Variants in TAOK3 observed in about 807,000 individuals in gnomAD.
TAOK3 encodes TAO kinase 3, also known as serine/threonine-protein kinase TAO3.
A neutral mutation model predicts 120.4 loss-of-function variants in TAOK3; 40 were observed. The observed-to-expected ratio is 0.33, with a 90% CI of 0.26 to 0.43. The LOEUF (loss-of-function observed/expected upper bound fraction) is 0.43, where lower values mean the gene tolerates loss of function less well. Among genes scored for constraint, TAOK3 ranks in the 20% least tolerant of loss-of-function variants. The probability of loss-of-function intolerance (pLI) is 1.00; values close to 1 mark genes in which losing one functional copy is unlikely to be tolerated. For missense variants in TAOK3, 821 were observed against 1,112.1 expected (o/e 0.74, Z 3.72); for synonymous variants, 355 against 387.5 (o/e 0.92, Z 0.99).
intron 1 of TAOK3, among the ~76,000 whole-genome samples, chr12:118,315,451 C>CA (rs1335001689): frequency 4.6e-5 from 7 of 151,850 alleles, no homozygotes. Context: ...TTAAAACCCA[C>CA]AAAAATGTAT....
At chr12:118,236,319 G>C (rs1426637705) in intron 7 of TAOK3, 4 of 152,104 alleles carry the variant, frequency 2.6e-5, no homozygotes, top group Non-Finnish European at 5.9e-5. Flanking sequence ...CAAGGATTAG[G>C]GGTTAGGAAA....
At chr12:118,286,461 C>G (rs1159676291) in intron 1 of TAOK3, among the ~76,000 whole-genome samples, 1 of 151,602 alleles carries the variant, frequency 6.6e-6, no homozygotes. Context: ...GGCCAACAAA[C>G]ATATGAAAAA....
chr12:118,223,078 T>C, intron 9 of TAOK3, among the ~76,000 whole-genome samples: 1 of 131,488 alleles, frequency 7.6e-6, no homozygotes, highest in African/African-American at 2.8e-5. Context: ...TTTTTTTTTT[T>C]TTTTTTTTTG....
chr12:118,289,994 C>CA (rs201999011), intron 1 of TAOK3, among the ~76,000 whole-genome samples: 7,717 of 123,888 alleles, frequency 0.062, 416 homozygotes, highest in East Asian at 0.27. Context: ...AACTCCATTG[C>CA]AAAAAAAAAA....
intron 2 of TAOK3, among the ~76,000 whole-genome samples, chr12:118,264,222 T>C (rs1854946613): frequency 6.6e-6 from 1 of 152,244 alleles, no homozygotes; most frequent in African/African-American, 2.4e-5. Context: ...GTAGCCATTA[T>C]ACTCAAGTAT....
intron 15 of TAOK3, among the ~76,000 whole-genome samples, chr12:118,180,244 G>T (rs2036625886): frequency 6.7e-6 from 1 of 148,466 alleles, no homozygotes. Context: ...CACTGTGCCT[G>T]GCCTTTTTTT....
chr12:118,182,143 C>A (rs1565909466), intron 14 of TAOK3, among the ~76,000 whole-genome samples: 1 of 152,144 alleles, frequency 6.6e-6, no homozygotes, highest in East Asian at 1.9e-4. Context: ...TAAGATCACT[C>A]CACTGCACTC....
chr12:118,231,869 G>C (rs894408837), intron 9 of TAOK3, among the ~76,000 whole-genome samples: 1 of 151,164 alleles, frequency 6.6e-6, no homozygotes, highest in African/African-American at 2.4e-5. Context: ...GCTGTAGTGA[G>C]CCAAGATTGC....
intron 5 of TAOK3, among the ~76,000 whole-genome samples, chr12:118,240,861 A>G (rs1801046932): frequency 6.6e-6 from 1 of 152,020 alleles, no homozygotes; most frequent in South Asian, 2.1e-4. Context: ...CTTTCATTAA[A>G]AAAATTAATG....
At chr12:118,332,518 A>C (rs954197380) in intron 1 of TAOK3, among the ~76,000 whole-genome samples, 8 of 152,182 alleles carry the variant, frequency 5.3e-5, no homozygotes, top group Non-Finnish European at 1.0e-4. Flanking sequence ...CATGGCACCT[A>C]TATCTTGTAC....
At chr12:118,168,616 G>T (rs1191840385) in intron 17 of TAOK3, among the ~76,000 whole-genome samples, 3 of 152,130 alleles carry the variant, frequency 2.0e-5, no homozygotes, top group African/African-American at 7.2e-5. Flanking sequence ...TTTCATGAAG[G>T]TGGGCTCTGG....
At chr12:118,202,643 ATTCTTGAGG>A (rs2038081508) in intron 11 of TAOK3, among the ~76,000 whole-genome samples, 1 of 152,252 alleles carries the variant, frequency 6.6e-6, no homozygotes, top group Admixed American at 6.5e-5. Flanking sequence ...TCATATAAGA[ATTCTTGAGG>A]TTTACTTTAT....
intron 1 of TAOK3, among the ~76,000 whole-genome samples, chr12:118,324,734 CTTTTTT>C (rs35462737): frequency 1.1e-4 from 8 of 69,582 alleles, no homozygotes; most frequent in South Asian, 5.1e-4. Context: ...GAATTTCATT[CTTTTTT>C]TTTTTTTTTT....
At chr12:118,210,015 T>G (rs1166862885) in intron 11 of TAOK3, among the ~76,000 whole-genome samples, 1 of 152,188 alleles carries the variant, frequency 6.6e-6, no homozygotes, top group Non-Finnish European at 1.5e-5. Context: ...GGTTGTACCT[T>G]CTACTGTATT....
chr12:118,180,341 A>T (rs1333581657), intron 15 of TAOK3, among the ~76,000 whole-genome samples: 1 of 151,772 alleles, frequency 6.6e-6, no homozygotes, highest in Non-Finnish European at 1.5e-5. Context: ...TCTGGGCTCA[A>T]GCAATCTTCC....
chr12:118,351,909 T>C (rs1363976370), intron 1 of TAOK3, among the ~76,000 whole-genome samples: 4 of 147,822 alleles, frequency 2.7e-5, no homozygotes, highest in Admixed American at 6.8e-5. Flanking sequence ...AGTCTCCCTC[T>C]TTCACCCAGG....
In TAOK3 at chr12:118,371,646, C is replaced by T. The variant is rs2045896829; in HGVS notation, c.-194+1002G>A. ...CTGCAGCCGGTTCCTATTTGCCCGA[C>T]GCCGCGACTGCGACCCAGGCTCCCC... On this transcript the variant is annotated intron_variant, in intron 1 of 20. Coordinates refer to ENST00000392533, the MANE Select transcript of TAOK3 (RefSeq NM_016281.4). This position sits in a 1 kb window ranked among gnomAD's most constrained non-coding sequence, Gnocchi z 5.5. Among the ~76,000 whole-genome samples, 1 of 152,098 alleles carries T rather than the reference C, an allele frequency of 6.6e-6. No individual in the cohort carries two copies. Among genetic ancestry groups the T allele is most frequent in the African/African-American group, 2.4e-5 (1 of 41,440 alleles).
At chr12:118,353,892 A>G (rs1235833834) in intron 1 of TAOK3, among the ~76,000 whole-genome samples, 1 of 152,102 alleles carries the variant, frequency 6.6e-6, no homozygotes, top group Non-Finnish European at 1.5e-5. Context: ...TCCTATAAGG[A>G]GTTTCCTTGT....
chr12:118,168,235 T>C (rs1354972305), intron 17 of TAOK3, among the ~76,000 whole-genome samples: 1 of 152,200 alleles, frequency 6.6e-6, no homozygotes, highest in African/African-American at 2.4e-5. Flanking sequence ...GCAAGACGAA[T>C]AATTACTGGA....
Sources: allele counts gnomAD v4.1 joint callset (sites outside exome capture counted in the v4.1 genomes callset), GRCh38; gene constraint gnomAD v4.1.1; non-coding constraint Gnocchi (gnomAD v3.1); transcripts MANE v1.5; gene names NCBI Gene and HGNC (gene_info 2026-07-23, HGNC 2026-07-21).